Variants in SETD5 observed in about 807,000 individuals in gnomAD.
SETD5 encodes SET domain containing 5.
In SETD5, 44 loss-of-function variants were observed where a neutral mutation model predicts 153.3. The observed-to-expected ratio is 0.29, with a 90% CI of 0.23 to 0.37. The LOEUF is 0.37. SETD5 is among the 10% of genes least tolerant of loss of function. SETD5 has a pLI of 1.00. For synonymous variants in SETD5, 716 were observed against 645.2 expected (o/e 1.11, Z -1.66); for missense variants, 1,544 against 1,768.0 (o/e 0.87, Z 2.27).
chr3:9,464,953 C>G (rs1386532029), intron 18 of SETD5: 8 of 463,704 alleles, frequency 1.7e-5, no homozygotes, highest in East Asian at 1.3e-4. Context: ...AGTAAGCATG[C>G]TAGATCTCCA....
intron 3 of SETD5, chr3:9,429,827 A>G: frequency 7.7e-7 from 1 of 1,303,046 alleles, no homozygotes; most frequent in Non-Finnish European, 1.0e-6. Flanking sequence ...TTGCTTACAG[A>G]AAGGAAGTGG....
chr3:9,467,239 T>G (rs943093005), intron 18 of SETD5, among the ~76,000 whole-genome samples: 3 of 146,346 alleles, frequency 2.0e-5, no homozygotes, highest in African/African-American at 7.6e-5. Context: ...CTTACTAGAT[T>G]AGTTTGGGGA....
At chr3:9,406,014 TAGAA>T (rs1190490621) in intron 1 of SETD5, among the ~76,000 whole-genome samples, 1 of 152,216 alleles carries the variant, frequency 6.6e-6, no homozygotes, top group Non-Finnish European at 1.5e-5. Flanking sequence ...AGGTTTTACT[TAGAA>T]GGAAGAACCT....
At chr3:9,473,091 A>G in intron 19 of SETD5, 145 bp from the exon 20 acceptor site, 3 of 949,328 alleles carry the variant, frequency 3.2e-6, no homozygotes, top group Non-Finnish European at 4.6e-6. Context: ...AAAAAAAGTT[A>G]TCAGGGTTGG....
chr3:9,457,742 CT>C (rs756557755), intron 17 of SETD5, among the ~76,000 whole-genome samples: 2,162 of 129,294 alleles, frequency 0.017, 16 homozygotes, highest in Non-Finnish European at 0.021. Context: ...ATTTCTTTTT[CT>C]TTTTTTTTTT....
At chr3:9,403,702 C>T (rs1198222112) in intron 1 of SETD5, among the ~76,000 whole-genome samples, 2 of 152,156 alleles carry the variant, frequency 1.3e-5, no homozygotes, top group Non-Finnish European at 1.5e-5. Context: ...TTGTGTTCAG[C>T]TCGCATACAA....
In SETD5 at chr3:9,425,764, T is replaced by G. The variant is rs532528776; in HGVS notation, c.-117+1238T>G. On this transcript the variant is annotated intron_variant, in intron 2 of 22. Transcript: ENST00000402198. ...CTAATTTTTGTATTTTTAGTAGAGA[T>G]AGGGTTTCACCGTGAAACCATGCAT... Among the ~76,000 whole-genome samples, 60 of 152,154 alleles carry G rather than the reference T, an allele frequency of 3.9e-4. 1 individual carries two copies. The highest frequency in any genetic ancestry group is 1.4e-3 in the African/African-American group (59 of 41,530).
chr3:9,476,086 T>G lies in SETD5; in HGVS notation c.4324T>G (p.Ser1442Ala). ...GSGVKTQTGL[S>A] ...AGGAGTCAAGACTCAGACGGGACTT[T>G]CCTAGGGCTTCTGGATTTGGGCAAA... is the stretch of plus-strand genomic sequence containing the variant. Residue 1442 changes from serine (S) to alanine (A), a missense_variant, in exon 23 of 23, where the codon TCC becomes GCC. Ser to Ala is a moderately conservative substitution (Grantham distance 99). Transcript: ENST00000402198. 4 of 1,611,686 alleles carry G rather than the reference T, an allele frequency of 2.5e-6. No individual in the cohort carries two copies. The highest frequency in any genetic ancestry group is 1.1e-5 in the South Asian group (1 of 90,938).
At chr3:9,446,444 A>G (rs559985422) in intron 13 of SETD5, among the ~76,000 whole-genome samples, 1 of 150,554 alleles carries the variant, frequency 6.6e-6, no homozygotes. Context: ...AAAATTTTCT[A>G]CTTTTATGCT....
rs140496666 is a variant in SETD5, at chr3:9,429,502, T to G, written c.71+493T>G. On this transcript the variant is annotated intron_variant, in intron 3 of 22. Transcript: ENST00000402198. Reference sequence around the variant, plus strand: ...AAACATGGAGAACAGCGTCATCTGTTTTTTTATAATATTCGTTGCCTAGAA... The same window carrying G: ...AAACATGGAGAACAGCGTCATCTGTGTTTTTATAATATTCGTTGCCTAGAA... Among the ~76,000 whole-genome samples the G allele has an allele frequency of 2.9e-3, 437 of 152,290 alleles. 2 individuals carry two copies. The highest frequency in any genetic ancestry group is 0.01 in the African/African-American group (426 of 41,562).
chr3:9,449,301 G>T (rs1242178213), intron 16 of SETD5, among the ~76,000 whole-genome samples: 1 of 152,046 alleles, frequency 6.6e-6, no homozygotes, highest in African/African-American at 2.4e-5. Flanking sequence ...TTTTTGGAAT[G>T]CTCTTTCTTA....
chr3:9,411,822 A>G (rs972733482), intron 1 of SETD5, among the ~76,000 whole-genome samples: 2 of 152,206 alleles, frequency 1.3e-5, no homozygotes, highest in African/African-American at 4.8e-5. Flanking sequence ...CTGATTTTCA[A>G]TACTTCATTG....
At chr3:9,410,719 A>G (rs963426408) in intron 1 of SETD5, among the ~76,000 whole-genome samples, 1 of 152,086 alleles carries the variant, frequency 6.6e-6, no homozygotes, top group African/African-American at 2.4e-5. Flanking sequence ...AGGTTAGTTC[A>G]TTTACTAAAA....
chr3:9,421,174 A>G (rs979253733), intron 1 of SETD5, among the ~76,000 whole-genome samples: 5 of 152,180 alleles, frequency 3.3e-5, no homozygotes, highest in East Asian at 1.9e-4. Context: ...CAGGAAGACA[A>G]CACAATGAAG....
intron 1 of SETD5, among the ~76,000 whole-genome samples, chr3:9,417,546 C>T (rs1233708773): frequency 1.3e-5 from 2 of 151,018 alleles, no homozygotes; most frequent in Admixed American, 6.6e-5. Flanking sequence ...AGTGCAGTGG[C>T]GTGATCTCCA....
chr3:9,428,841 C>A lies in SETD5; in HGVS notation c.-98C>A. 1.4e-6 allele frequency: 1 copy of A among 692,526 alleles called. No individual in the cohort carries two copies. The highest frequency in any genetic ancestry group is 2.5e-6 in the Non-Finnish European group (1 of 406,536). The allele number at this position is 692,526 out of a possible 1,614,324, so 42.9% of individuals were successfully genotyped here. On this transcript the variant is annotated 5_prime_UTR_variant, in exon 3 of 23. Coordinates refer to ENST00000402198, the MANE Select transcript of SETD5 (RefSeq NM_001080517.3). ...GTTACAGGATTCCTCATGTCCATAA[C>A]ATGTTGGATGAGGCTCTGCAGCTCA...
intron 1 of SETD5, among the ~76,000 whole-genome samples, chr3:9,418,246 G>A (rs1469504889): frequency 1.3e-5 from 2 of 152,072 alleles, no homozygotes; most frequent in African/African-American, 4.8e-5. Flanking sequence ...TGTTTGAAAC[G>A]AAGCACTCAA....
intron 17 of SETD5, among the ~76,000 whole-genome samples, chr3:9,458,120 A>T (rs1384253030): frequency 6.6e-6 from 1 of 152,072 alleles, no homozygotes; most frequent in African/African-American, 2.4e-5. Flanking sequence ...TAGTTAGGAG[A>T]TTGAAAAAGA....
At chr3:9,452,575 A>G (rs1335747758) in intron 16 of SETD5, among the ~76,000 whole-genome samples, 1 of 137,358 alleles carries the variant, frequency 7.3e-6, no homozygotes, top group Non-Finnish European at 1.5e-5. Context: ...ATCCTTGTTC[A>G]CTCTTCCTTC....
Sources: allele counts gnomAD v4.1 joint callset (sites outside exome capture counted in the v4.1 genomes callset), GRCh38; gene constraint gnomAD v4.1.1; transcripts MANE v1.5; gene names NCBI Gene and HGNC (gene_info 2026-07-23, HGNC 2026-07-21).